The following AOPEP variants were observed in gnomAD, a reference collection of about 807,000 sequenced individuals.
AOPEP encodes aminopeptidase O (putative), also known as aminopeptidase O.
AOPEP carries 77 observed loss-of-function variants against 98.1 expected under a neutral mutation model. The observed-to-expected ratio is 0.78, with a 90% confidence interval of 0.65 to 0.95. The LOEUF (loss-of-function observed/expected upper bound fraction) is 0.95. Ranked by LOEUF, AOPEP falls within the 40% of genes least tolerant of loss-of-function variation. The pLI, the probability that AOPEP is intolerant of heterozygous loss-of-function variation, is 0.00. For synonymous variants in AOPEP, 346 were observed against 365.3 expected, an observed-to-expected ratio of 0.95 and a Z score of 0.60; for missense variants, 1,024 against 1,024.7, an observed-to-expected ratio of 1.00 and a Z score of 0.01.
chr9:95,145,479 A>T, the AOPEP span: 1 of 152,332 alleles, frequency 6.6e-6, no homozygotes, highest in East Asian at 1.9e-4. Flanking sequence ...ATATACTTAC[A>T]GGAGTCTTCC....
the AOPEP span, chr9:95,126,679 TC>T: frequency 8.1e-7 from 1 of 1,240,622 alleles, no homozygotes; most frequent in Non-Finnish European, 1.2e-6. Flanking sequence ...ACTGCTGATG[TC>T]CAGAAAACTG....
chr9:94,879,637 T>G (rs1158790976), intron 5 of AOPEP, among the ~76,000 whole-genome samples: 4 of 152,190 alleles, frequency 2.6e-5, no homozygotes, highest in Non-Finnish European at 5.9e-5. Context: ...AGACTCGATT[T>G]GACCAGAAAA....
chr9:94,997,825 C>G (rs2061335520), intron 11 of AOPEP, among the ~76,000 whole-genome samples: 1 of 152,180 alleles, frequency 6.6e-6, no homozygotes, highest in South Asian at 2.1e-4. Flanking sequence ...TCCTGAGTAC[C>G]TGGGACTAGA....
chr9:94,752,610 G>T (rs184632180), intron 1 of AOPEP, among the ~76,000 whole-genome samples: 1 of 152,286 alleles, frequency 6.6e-6, no homozygotes, highest in East Asian at 1.9e-4. Context: ...ACTGTTAAAA[G>T]AGTTTGTTAC....
At chr9:94,733,696 T>C (rs182622089) in intron 1 of AOPEP, among the ~76,000 whole-genome samples, 1 of 152,282 alleles carries the variant, frequency 6.6e-6, no homozygotes, top group African/African-American at 2.4e-5. Context: ...ACAAATTAAG[T>C]GTCAGTTGCC....
intron 11 of AOPEP, among the ~76,000 whole-genome samples, chr9:95,002,961 A>G (rs2061659479): frequency 6.6e-6 from 1 of 152,228 alleles, no homozygotes; most frequent in Non-Finnish European, 1.5e-5. Flanking sequence ...GCAAAATCCT[A>G]GAAGAGCAGA....
At chr9:95,074,690 G>C (rs2068856770) in intron 14 of AOPEP, among the ~76,000 whole-genome samples, 1 of 152,222 alleles carries the variant, frequency 6.6e-6, no homozygotes, top group South Asian at 2.1e-4. Context: ...CAACTTCACT[G>C]TGATGACATG....
chr9:95,114,510 T>C, the AOPEP span: 494 of 905,190 alleles, frequency 5.5e-4, 1 homozygote, highest in African/African-American at 6.9e-3. Context: ...GGTGCTCACC[T>C]GTTTGGTGAT....
chr9:94,972,046 AG>A lies in AOPEP; in HGVS notation c.1916+4247del, dbSNP rs2059569160. Among the ~76,000 whole-genome samples, 2 of 152,326 alleles carry A rather than the reference AG, an allele frequency of 1.3e-5. No homozygotes were observed. The highest frequency in any genetic ancestry group is 4.1e-4 in the South Asian group (2 of 4,828). On this transcript the variant is annotated intron_variant, in intron 10 of 16. Transcript: ENST00000375315. This position sits in a 1 kb window ranked among gnomAD's most constrained non-coding sequence, Gnocchi z 4.2. Reference sequence around the variant, plus strand: ...ATGGGGGCGGAGAGGACTGGAAGCCAGGAAAACAATTAGAAACCAATAGAGC... The same window carrying A: ...ATGGGGGCGGAGAGGACTGGAAGCCAGAAAACAATTAGAAACCAATAGAGC...
intron 5 of AOPEP, among the ~76,000 whole-genome samples, chr9:94,843,566 G>A (rs545385076): frequency 3.3e-5 from 5 of 152,300 alleles, no homozygotes; most frequent in African/African-American, 1.2e-4. Flanking sequence ...CAGTCAGTTT[G>A]CTATTATTAC....
intron 7 of AOPEP, among the ~76,000 whole-genome samples, chr9:94,950,251 TCA>T (rs745785817): frequency 2.6e-5 from 4 of 152,208 alleles, no homozygotes; most frequent in Non-Finnish European, 4.4e-5. Context: ...TACTGGAGGC[TCA>T]GTCAGAACAT....
intron 5 of AOPEP, among the ~76,000 whole-genome samples, chr9:94,812,937 A>G (rs1418574917): frequency 6.6e-6 from 1 of 152,134 alleles, no homozygotes; most frequent in African/African-American, 2.4e-5. Context: ...CAAAGTGAGG[A>G]TGGCTGCCTG....
At position 94,792,849 on chromosome 9, in the gene AOPEP, A is replaced by G; in HGVS notation, c.1049A>G (p.Lys350Arg). Residue 350 changes from lysine (K) to arginine (R), a missense_variant, in exon 4 of 17, where the codon AAG (lysine) becomes AGG (arginine). This residue lies in a region of AOPEP where 440 missense variants were observed against 433.8 expected (regional missense o/e 1.01). Coordinates refer to ENST00000375315, the MANE Select transcript of AOPEP (RefSeq NM_001193329.3). ...GCAGTGGGATGCTGGACAGAAATGA[A>G]GATGGAGACATGGTCATCAAATGAT... is the stretch of plus-strand genomic sequence containing the variant. ...TIAVGCWTEMKMETWSSNDLA... is the reference protein window; with the variant it reads ...TIAVGCWTEMRMETWSSNDLA... 1 of 1,613,916 alleles carries G rather than the reference A, an allele frequency of 6.2e-7. No homozygotes were observed. The highest frequency in any genetic ancestry group is 1.1e-5 in the South Asian group (1 of 91,056).
chr9:95,048,419 G>C (rs2133738996), intron 13 of AOPEP, among the ~76,000 whole-genome samples: 1 of 151,610 alleles, frequency 6.6e-6, no homozygotes, highest in African/African-American at 2.4e-5. Context: ...TGCCGGGTGG[G>C]AGCGGCCCAT....
intron 13 of AOPEP, among the ~76,000 whole-genome samples, chr9:95,044,687 G>A (rs1318596118): frequency 6.6e-6 from 1 of 152,126 alleles, no homozygotes; most frequent in African/African-American, 2.4e-5. Context: ...AGTGGACTGG[G>A]ACTGGAAATG....
intron 13 of AOPEP, among the ~76,000 whole-genome samples, chr9:95,027,983 CA>C (rs1252358276): frequency 1.3e-5 from 2 of 152,338 alleles, no homozygotes; most frequent in East Asian, 3.9e-4. Flanking sequence ...CTTTGGGTCT[CA>C]GCAGAATCAT....
intron 14 of AOPEP, among the ~76,000 whole-genome samples, chr9:95,078,269 C>G (rs1487704148): frequency 3.9e-5 from 6 of 152,208 alleles, no homozygotes; most frequent in Non-Finnish European, 8.8e-5. Context: ...CGGCCGCCAC[C>G]GAGGGCCTTG....
chr9:95,097,095 T>G, the AOPEP span, among the ~76,000 whole-genome samples: 4 of 152,202 alleles, frequency 2.6e-5, no homozygotes, highest in Admixed American at 6.5e-5. Context: ...CAGGGAGGCA[T>G]CTGGTCCAAA....
intron 5 of AOPEP, among the ~76,000 whole-genome samples, chr9:94,907,212 ATT>A (rs1564360162): frequency 6.6e-6 from 1 of 152,214 alleles, no homozygotes; most frequent in East Asian, 1.9e-4. Context: ...ACATCACCGT[ATT>A]TTAAAATCAG....
Sources: allele counts gnomAD v4.1 joint callset (sites outside exome capture counted in the v4.1 genomes callset), GRCh38; gene constraint gnomAD v4.1.1; regional missense constraint gnomAD v4.1.1; non-coding constraint Gnocchi (gnomAD v3.1); transcripts MANE v1.5; gene names NCBI Gene and HGNC (gene_info 2026-07-23, HGNC 2026-07-21).